Variants in GRID2 observed in about 807,000 individuals in gnomAD.
The protein encoded by GRID2 is glutamate receptor ionotropic, delta-2.
In GRID2, 33 loss-of-function variants were observed where a neutral mutation model predicts 114.8. The ratio of observed to expected loss-of-function variants is 0.29; its 90% CI spans 0.22 to 0.38. GRID2 has a LOEUF of 0.38. GRID2 is among the 10% of genes least tolerant of loss of function. GRID2 has a pLI of 1.00. For synonymous variants in GRID2, 505 were observed against 449.9 expected (o/e 1.12, Z -1.55); for missense variants, 1,184 against 1,257.7 (o/e 0.94, Z 0.89).
Position 92,893,285 on chromosome 4 carries a change from T to A in GRID2, c.245-191710T>A, listed in dbSNP as rs1241104088. Among the ~76,000 whole-genome samples, 4 of 152,190 alleles carry A rather than the reference T, an allele frequency of 2.6e-5. No individual in the cohort carries two copies. The South Asian group carries it at 8.3e-4, about 31-fold the overall frequency. On this transcript the variant is annotated intron_variant, in intron 2 of 15. Coordinates refer to ENST00000282020, the MANE Select transcript of GRID2 (RefSeq NM_001510.4). ...ACTGATGGAAATTAAAATGAATATA[T>A]GCCTGAATGGATGAATAAATAAAGT...
chr4:93,146,137 A>G (rs1032884576), intron 4 of GRID2, among the ~76,000 whole-genome samples: 1 of 152,146 alleles, frequency 6.6e-6, no homozygotes, highest in African/African-American at 2.4e-5. Flanking sequence ...CTAAGACTAA[A>G]TATTTTAATT....
At chr4:92,834,880 G>A (rs1257686802) in intron 2 of GRID2, among the ~76,000 whole-genome samples, 1 of 152,056 alleles carries the variant, frequency 6.6e-6, no homozygotes, top group Non-Finnish European at 1.5e-5. Context: ...CTGGGAATGA[G>A]ATTTAATAAA....
At chr4:93,692,990 T>G (rs150133361) in intron 14 of GRID2, among the ~76,000 whole-genome samples, 1 of 152,310 alleles carries the variant, frequency 6.6e-6, no homozygotes, top group African/African-American at 2.4e-5. Context: ...ATGCTATTCA[T>G]GTAGGGAGAG....
At chr4:93,693,329 G>A (rs1303223927) in intron 14 of GRID2, among the ~76,000 whole-genome samples, 1 of 152,084 alleles carries the variant, frequency 6.6e-6, no homozygotes, top group African/African-American at 2.4e-5. Context: ...TTTGACATCT[G>A]CTTCGCCGTA....
intron 2 of GRID2, among the ~76,000 whole-genome samples, chr4:93,047,861 A>T (rs1726295742): frequency 6.7e-6 from 1 of 149,380 alleles, no homozygotes. Context: ...CACTCTGATG[A>T]CTTAAAAAAC....
intron 2 of GRID2, among the ~76,000 whole-genome samples, chr4:92,632,110 G>T (rs62309160): frequency 3.3e-5 from 5 of 152,094 alleles, no homozygotes; most frequent in East Asian, 3.9e-4. Flanking sequence ...TATTTCAAAG[G>T]TCATTTAAAT....
intron 1 of GRID2, among the ~76,000 whole-genome samples, chr4:93,802,889 C>A (rs10022231): frequency 0.43 from 64,651 of 152,090 alleles, 15,452 homozygotes; most frequent in Non-Finnish European, 0.54. Context: ...AATTCTGACC[C>A]TGTGTCCTGT....
chr4:93,614,133 G>A (rs573947675), intron 13 of GRID2, among the ~76,000 whole-genome samples: 32 of 152,282 alleles, frequency 2.1e-4, no homozygotes, highest in East Asian at 1.6e-3. Context: ...GACCCCTTGC[G>A]CTTCCCAGGT....
At chr4:93,333,222 C>A (rs916927614) in intron 8 of GRID2, among the ~76,000 whole-genome samples, 5 of 152,018 alleles carry the variant, frequency 3.3e-5, no homozygotes, top group East Asian at 3.9e-4. Flanking sequence ...CTTTAATGTG[C>A]AGTTGAATTG....
chr4:93,475,930 T>C (rs1294093056), intron 11 of GRID2, among the ~76,000 whole-genome samples: 2 of 152,124 alleles, frequency 1.3e-5, no homozygotes, highest in African/African-American at 4.8e-5. Flanking sequence ...TCAACTGCAG[T>C]CTTGCTTCAT....
At chr4:92,774,366 A>G (rs1173374916) in intron 2 of GRID2, among the ~76,000 whole-genome samples, 1 of 152,034 alleles carries the variant, frequency 6.6e-6, no homozygotes, top group Non-Finnish European at 1.5e-5. Context: ...GATATACTGA[A>G]ACTTTTGAAG....
At chr4:93,406,804 T>C (rs2870704) in intron 9 of GRID2, among the ~76,000 whole-genome samples, 106,931 of 151,962 alleles carry the variant, frequency 0.7, 38,237 homozygotes, top group African/African-American at 0.84. Flanking sequence ...AAATGTCCAG[T>C]TTTTTGTTAG....
chr4:92,382,138 T>G (rs1161212472), intron 1 of GRID2, among the ~76,000 whole-genome samples: 1 of 151,996 alleles, frequency 6.6e-6, no homozygotes, highest in Non-Finnish European at 1.5e-5. Context: ...TATTAAAGAT[T>G]TGAAATTTAG....
intron 13 of GRID2, among the ~76,000 whole-genome samples, chr4:93,603,567 A>G (rs1486427641): frequency 1.3e-5 from 2 of 152,224 alleles, no homozygotes; most frequent in Non-Finnish European, 2.9e-5. Flanking sequence ...GCTACACTAA[A>G]CAACAGATTT....
chr4:93,518,941 C>G (rs1730068704), intron 13 of GRID2, among the ~76,000 whole-genome samples: 1 of 152,044 alleles, frequency 6.6e-6, no homozygotes, highest in Admixed American at 6.6e-5. Context: ...GGTAAAAGAT[C>G]TGGAGGTAGA....
intron 13 of GRID2, among the ~76,000 whole-genome samples, chr4:93,534,784 A>AT (rs1290937981): frequency 1.3e-5 from 2 of 151,924 alleles, no homozygotes; most frequent in Non-Finnish European, 2.9e-5. Flanking sequence ...TGATGTATGT[A>AT]TACATTGGGA....
chr4:92,585,442 G>C lies in GRID2; in HGVS notation c.89-4689G>C, dbSNP rs1728384797. On this transcript the variant is annotated intron_variant, in intron 1 of 15. Coordinates refer to ENST00000282020, the MANE Select transcript of GRID2 (RefSeq NM_001510.4). ...AGATCAGCTATCTTTGATTTTATTT[G>C]GAATTATGAAATCCAACGAAATATT... Among the ~76,000 whole-genome samples, 3 of 150,998 alleles carry C rather than the reference G, an allele frequency of 2.0e-5. No individual in the cohort carries two copies. In the South Asian group the frequency reaches 6.3e-4, roughly 32 times the overall value.
At chr4:93,269,572 A>T (rs538811294) in intron 8 of GRID2, among the ~76,000 whole-genome samples, 10 of 152,296 alleles carry the variant, frequency 6.6e-5, no homozygotes, top group Admixed American at 3.3e-4. Flanking sequence ...GGTCCTAGAG[A>T]AGTGTTATTT....
intron 1 of GRID2, among the ~76,000 whole-genome samples, chr4:93,800,333 TCTGGGCAGCCA>T (rs1379643947): frequency 6.6e-6 from 1 of 152,238 alleles, no homozygotes; most frequent in African/African-American, 2.4e-5. Context: ...TATGACCCTT[TCTGGGCAGCCA>T]CTGCCATAAA....
Sources: allele counts gnomAD v4.1 joint callset (sites outside exome capture counted in the v4.1 genomes callset), GRCh38; gene constraint gnomAD v4.1.1; transcripts MANE v1.5; gene names NCBI Gene and HGNC (gene_info 2026-07-23, HGNC 2026-07-21).